The following CSGALNACT1 variants were observed in gnomAD, a reference collection of about 807,000 sequenced individuals.
The protein encoded by CSGALNACT1 is beta4GalNAcT-1.
CSGALNACT1 carries 52 observed loss-of-function variants against 51.0 expected under a neutral mutation model. The ratio of observed to expected loss-of-function variants is 1.02; its 90% CI spans 0.82 to 1.29. The LOEUF is 1.29. CSGALNACT1 is among the 50% of genes most tolerant of loss of function. CSGALNACT1 has a pLI of 0.00. For missense variants in CSGALNACT1, 935 were observed against 679.2 expected, an observed-to-expected ratio of 1.38 and a Z score of -4.19; for synonymous variants, 341 against 254.4, an observed-to-expected ratio of 1.34 and a Z score of -3.24.
At chr8:19,736,499 T>C (rs7814601) in intron 1 of CSGALNACT1, among the ~76,000 whole-genome samples, 1 of 149,702 alleles carries the variant, frequency 6.7e-6, no homozygotes, top group East Asian at 1.9e-4. Context: ...ACTGAGAAAG[T>C]CATTAGGTCC....
At chr8:19,406,307 T>A (rs1429511470) in intron 9 of CSGALNACT1, among the ~76,000 whole-genome samples, 1 of 151,842 alleles carries the variant, frequency 6.6e-6, no homozygotes, top group African/African-American at 2.4e-5. Flanking sequence ...CCAAGAAAAT[T>A]CCAAGCATTT....
intron 4 of CSGALNACT1, among the ~76,000 whole-genome samples, chr8:19,480,430 C>G (rs2071042217): frequency 1.3e-5 from 2 of 152,152 alleles, no homozygotes; most frequent in African/African-American, 4.8e-5. Context: ...ATCCAGGTTC[C>G]TGCAAAGGAC....
chr8:19,624,966 T>C (rs1446027545), intron 1 of CSGALNACT1, among the ~76,000 whole-genome samples: 1 of 152,204 alleles, frequency 6.6e-6, no homozygotes, highest in Non-Finnish European at 1.5e-5. Flanking sequence ...CGTGAGCCAC[T>C]GCACCCAGCC....
At chr8:19,626,306 T>C (rs1281045457) in intron 1 of CSGALNACT1, among the ~76,000 whole-genome samples, 1 of 152,110 alleles carries the variant, frequency 6.6e-6, no homozygotes, top group African/African-American at 2.4e-5. Context: ...AACAAAGATT[T>C]AAAAAGCAAC....
At chr8:19,635,644 T>G (rs932729324) in intron 1 of CSGALNACT1, among the ~76,000 whole-genome samples, 1 of 152,158 alleles carries the variant, frequency 6.6e-6, no homozygotes, top group Admixed American at 6.5e-5. Flanking sequence ...TGAGGTTGTT[T>G]CATAAAGGAG....
chr8:19,601,553 T>G (rs935661784), intron 2 of CSGALNACT1, among the ~76,000 whole-genome samples: 2 of 152,234 alleles, frequency 1.3e-5, no homozygotes, highest in Non-Finnish European at 2.9e-5. Context: ...GATGTAGATG[T>G]AGATGTTACA....
chr8:19,655,605 GAC>G (rs2058203648), intron 1 of CSGALNACT1, among the ~76,000 whole-genome samples: 1 of 151,470 alleles, frequency 6.6e-6, no homozygotes, highest in African/African-American at 2.4e-5. Context: ...TATTTGCAGA[GAC>G]AGAGTTTTGC....
In CSGALNACT1 at chr8:19,714,240, A is replaced by T. The variant is rs545039842; in HGVS notation, c.-297+43610T>A. Among the ~76,000 whole-genome samples the T allele has an allele frequency of 2.0e-5, 3 of 152,302 alleles. No homozygotes were observed. The South Asian group carries it at 6.2e-4, about 32-fold the overall frequency. On this transcript the variant is annotated intron_variant, in intron 1 of 1. Transcript: ENST00000517494. ...CAGCCCTCTAATTTTTCTCCTTGAA[A>T]AGCAGCCTATACTTAGCTTCCTTTC...
intron 4 of CSGALNACT1, among the ~76,000 whole-genome samples, chr8:19,490,407 T>C (rs1267000971): frequency 1.3e-5 from 2 of 152,194 alleles, no homozygotes; most frequent in Non-Finnish European, 2.9e-5. Flanking sequence ...GGTGTTTTGT[T>C]CTTTTTCCTC....
intron 1 of CSGALNACT1, among the ~76,000 whole-genome samples, chr8:19,679,953 A>G (rs1779985051): frequency 6.6e-6 from 1 of 152,198 alleles, no homozygotes; most frequent in Non-Finnish European, 1.5e-5. Flanking sequence ...GAGTAGATTC[A>G]ATTCATTTAC....
intron 2 of CSGALNACT1, among the ~76,000 whole-genome samples, chr8:19,593,215 G>C (rs1004688847): frequency 1.3e-5 from 2 of 152,340 alleles, no homozygotes; most frequent in South Asian, 2.1e-4. Flanking sequence ...AATCAATAGT[G>C]TGATGGTACC....
chr8:19,485,102 A>C (rs1034067266), intron 4 of CSGALNACT1, among the ~76,000 whole-genome samples: 6 of 152,164 alleles, frequency 3.9e-5, no homozygotes, highest in African/African-American at 1.4e-4. Context: ...GTCATATAAT[A>C]CAACCAATGA....
chr8:19,508,444 T>G (rs1274754696), intron 3 of CSGALNACT1, among the ~76,000 whole-genome samples: 1 of 152,256 alleles, frequency 6.6e-6, no homozygotes, highest in African/African-American at 2.4e-5. Flanking sequence ...AGTGCTAAGT[T>G]TAAAGTGCAT....
intron 1 of CSGALNACT1, among the ~76,000 whole-genome samples, chr8:19,667,008 A>AAAGG (rs2059374366): frequency 3.2e-5 from 1 of 31,464 alleles, no homozygotes; most frequent in Non-Finnish European, 5.5e-5. Context: ...AGAAAGAAAG[A>AAAGG]AAGAAAGAAA....
intron 1 of CSGALNACT1, among the ~76,000 whole-genome samples, chr8:19,753,711 C>T (rs1469894540): frequency 2.6e-5 from 4 of 152,052 alleles, no homozygotes; most frequent in Admixed American, 6.6e-5. Flanking sequence ...GTTTGTCACT[C>T]GAATTAAGTT....
chr8:19,707,519 G>C (rs1490156440), intron 1 of CSGALNACT1, among the ~76,000 whole-genome samples: 1 of 152,168 alleles, frequency 6.6e-6, no homozygotes, highest in Non-Finnish European at 1.5e-5. Flanking sequence ...ATTTGAACCA[G>C]TACATGCCTA....
At chr8:19,628,861 G>A (rs978556452) in intron 1 of CSGALNACT1, among the ~76,000 whole-genome samples, 5 of 152,074 alleles carry the variant, frequency 3.3e-5, no homozygotes, top group African/African-American at 4.8e-5. Context: ...AATATGGGGG[G>A]AGGAAAAGAA....
chr8:19,626,147 A>C (rs1015914653), intron 1 of CSGALNACT1, among the ~76,000 whole-genome samples: 1 of 152,260 alleles, frequency 6.6e-6, no homozygotes, highest in African/African-American at 2.4e-5. Flanking sequence ...AGTCAGAGGA[A>C]TCACAATACC....
At chr8:19,583,797 C>CA (rs1412775797) in intron 3 of CSGALNACT1, among the ~76,000 whole-genome samples, 2 of 152,124 alleles carry the variant, frequency 1.3e-5, no homozygotes, top group Admixed American at 6.5e-5. Flanking sequence ...GAACTGCCAA[C>CA]AAAAAAATAA....
Sources: gnomAD v4.1 joint callset for allele counts (sites outside exome capture counted in the v4.1 genomes callset) on GRCh38, gnomAD v4.1.1 for gene constraint, MANE v1.5 for transcripts, NCBI Gene and HGNC (gene_info 2026-07-23, HGNC 2026-07-21) for gene names.